Variants in GNAI2 observed in about 807,000 individuals in gnomAD.
The protein encoded by GNAI2 is G protein subunit alpha i2, also known as guanine nucleotide-binding protein G(i) subunit alpha-2.
In GNAI2, 4 loss-of-function variants were observed where a neutral mutation model predicts 36.8. The ratio of observed to expected loss-of-function variants is 0.11; its 90% CI spans 0.05 to 0.25. The LOEUF (loss-of-function observed/expected upper bound fraction) is 0.25. GNAI2 is among the 10% of genes least tolerant of loss of function. The pLI, the probability that GNAI2 is intolerant of heterozygous loss-of-function variation, is 1.00. For synonymous variants in GNAI2, 194 were observed against 194.1 expected (o/e 1.00, Z 0.01); for missense variants, 230 against 481.3 (o/e 0.48, Z 4.89).
rs1700302653 is a variant in GNAI2, at chr3:50,241,695, C to T, written c.118+5242C>T. Among the ~76,000 whole-genome samples the T allele has an allele frequency of 6.6e-6, 1 of 152,194 alleles. No homozygotes were observed. Among genetic ancestry groups the T allele is most frequent in the African/African-American group, 2.4e-5 (1 of 41,452 alleles). ...CGCTGCTGTGGCAGGAGGTGGAAGT[C>T]AAACCAGTTGCGGGACACAGGCTTC... is the stretch of plus-strand genomic sequence containing the variant. On this transcript the variant is annotated intron_variant, in intron 1 of 8. Transcript: ENST00000313601. The surrounding 1 kb of genome is among the most constrained non-coding windows in gnomAD (Gnocchi z 5.0).
intron 1 of GNAI2, among the ~76,000 whole-genome samples, chr3:50,237,939 G>A (rs1192603650): frequency 6.6e-6 from 1 of 152,226 alleles, no homozygotes; most frequent in Non-Finnish European, 1.5e-5. Context: ...TGTCCATTAT[G>A]GGCCATCTGT....
intron 1 of GNAI2, among the ~76,000 whole-genome samples, chr3:50,249,521 G>A (rs2298952): frequency 0.91 from 138,898 of 152,162 alleles, 63,500 homozygotes; most frequent in East Asian, 0.96. Context: ...ACACACCCCA[G>A]TGAAGATACT....
Position 50,236,249 on chromosome 3 carries a change from T to C in GNAI2, c.-87T>C. 1 of 1,202,698 alleles carries C rather than the reference T, an allele frequency of 8.3e-7. No homozygotes were observed. Among genetic ancestry groups the C allele is most frequent in the Non-Finnish European group, 1.0e-6 (1 of 968,704 alleles). The allele number at this position is 1,202,698 out of a possible 1,614,324, so 74.5% of individuals were successfully genotyped here. A position where few individuals can be genotyped will look rare whatever the true frequency, so the allele number is the denominator to read the frequency against. On this transcript the variant is annotated 5_prime_UTR_variant, in exon 1 of 9. Coordinates refer to ENST00000313601, the MANE Select transcript of GNAI2 (RefSeq NM_002070.4). This position sits in a 1 kb window ranked among gnomAD's most constrained non-coding sequence, Gnocchi z 4.0. Reference sequence around the variant, plus strand: ...CCGAGTGCTTCCCGCAGAGGGCTGGTGGTGGGAGCGGAGTGGGTCGGGCGG... The same window carrying C: ...CCGAGTGCTTCCCGCAGAGGGCTGGCGGTGGGAGCGGAGTGGGTCGGGCGG...
chr3:50,237,287 C>T (rs1028449863), intron 1 of GNAI2, among the ~76,000 whole-genome samples: 1 of 152,162 alleles, frequency 6.6e-6, no homozygotes, highest in African/African-American at 2.4e-5. Flanking sequence ...GGGAGGGGGC[C>T]AGGCCTCAGG....
rs587619330 is a variant in GNAI2, at chr3:50,255,848, C to G, written c.465-344C>G. 6.6e-6 allele frequency among the ~76,000 whole-genome samples: 1 copy of G among 151,974 alleles called. No individual in the cohort carries two copies. Among genetic ancestry groups the G allele is most frequent in the South Asian group, 2.1e-4 (1 of 4,802 alleles). On this transcript the variant is annotated intron_variant, in intron 4 of 8. Transcript: ENST00000313601. This position sits in a 1 kb window ranked among gnomAD's most constrained non-coding sequence, Gnocchi z 4.0. ...GGCGGATCACCTGAGGTTGAGAGGT[C>G]AAGACCATCCTGGCCAACATGGTGA...
Position 50,257,566 on chromosome 3 carries a change from A to T in GNAI2, c.944A>T (p.Lys315Ile). The change falls in exon 8 of 9, where the codon AAA becomes ATA. Residue 315 changes from lysine (K) to isoleucine (I), a missense_variant. By Grantham distance (102) the Lys-to-Ile change is moderately radical. Transcript: ENST00000313601. ...AAGTTTGAGGACCTGAATAAGCGCA[A>T]AGACACCAAGGAGATCTACACGCAC... ...QSKFEDLNKR[K>I]DTKEIYTHFT... is the part of the protein sequence containing the mutation. 1 of 1,398,758 alleles carries T rather than the reference A, an allele frequency of 7.1e-7. No individual in the cohort carries two copies. Among genetic ancestry groups the T allele is most frequent in the African/African-American group, 2.1e-5 (1 of 46,836 alleles). The allele number at this position is 1,398,758 out of a possible 1,614,324, so 86.6% of individuals were successfully genotyped here.
chr3:50,258,398 C>T lies in GNAI2; in HGVS notation c.*55C>T, dbSNP rs1553703581. On this transcript the variant is annotated 3_prime_UTR_variant, in exon 9 of 9. Transcript: ENST00000313601. ...CCGCCGACTTTGTACCCCCCAACCC[C>T]TGAGGAAGATGGGGGCAAGAAGATC... 1.3e-5 allele frequency: 2 copies of T among 155,110 alleles called. No individual in the cohort carries two copies. Among genetic ancestry groups the T allele is most frequent in the African/African-American group, 4.8e-5 (2 of 41,458 alleles). The allele number at this position is 155,110 out of a possible 1,614,324, so 9.6% of individuals were successfully genotyped here. A position where few individuals can be genotyped will look rare whatever the true frequency, so the allele number is the denominator to read the frequency against.
At chr3:50,251,221 C>A in intron 1 of GNAI2, 1 of 316,936 alleles carries the variant, frequency 3.2e-6, no homozygotes, top group Non-Finnish European at 4.6e-6. Context: ...CCCTCTTGCC[C>A]TTCTGAGTCC....
At chr3:50,257,430 C>T (rs1700728018) in intron 7 of GNAI2, 70 bp from the exon 8 acceptor site, 2 of 1,063,774 alleles carry the variant, frequency 1.9e-6, no homozygotes, top group Non-Finnish European at 1.4e-6. Context: ...CGCACAGACC[C>T]TTGCTGCACA....
At chr3:50,227,305 G>A, upstream of GNAI2, 1 of 528,980 alleles carries the variant, frequency 1.9e-6, no homozygotes, top group Non-Finnish European at 3.0e-6. The surrounding 1 kb of genome is among the most constrained non-coding windows in gnomAD (Gnocchi z 5.9). Context: ...CGTGACGGCT[G>A]CAGCTCTGCG....
upstream of GNAI2, among the ~76,000 whole-genome samples, chr3:50,233,757 C>A (rs1403575204): frequency 1.3e-5 from 2 of 152,076 alleles, no homozygotes; most frequent in African/African-American, 4.8e-5. Flanking sequence ...GGAGGGGGGC[C>A]TGAGGGAGTC....
rs782177777 is a variant in GNAI2 at position 50,252,488 on chromosome 3, G to A, written c.253G>A (p.Val85Ile). Residue 85 changes from valine to isoleucine, a missense_variant, in exon 3 of 9, where the codon GTC becomes ATC. Around this residue, in one of 4 missense-constraint regions of GNAI2, gnomAD observed 132 missense variants for 247.4 expected, o/e 0.53. Transcript: ENST00000313601. This position sits in a 1 kb window ranked among gnomAD's most constrained non-coding sequence, Gnocchi z 4.1. ...SNTIQSIMAIVKAMGNLQIDF... is the reference protein window; with the variant it reads ...SNTIQSIMAIIKAMGNLQIDF... ...CACCATCCAGTCCATCATGGCCATTGTCAAAGCCATGGGCAACCTGCAGAT... is the reference window on the plus strand; with the variant it reads ...CACCATCCAGTCCATCATGGCCATTATCAAAGCCATGGGCAACCTGCAGAT... 2 of 1,613,424 alleles carry A rather than the reference G, an allele frequency of 1.2e-6. No homozygotes were observed. The highest frequency in any genetic ancestry group is 1.7e-6 in the Non-Finnish European group (2 of 1,179,598).
upstream of GNAI2, chr3:50,229,902 G>C: frequency 1.3e-5 from 2 of 152,284 alleles, no homozygotes; most frequent in Non-Finnish European, 2.9e-5. Flanking sequence ...CAGCACATTG[G>C]CAGGCAATAT....
rs1553703700 is a variant in GNAI2, at chr3:50,258,899, A to G, written c.*556A>G. 5.3e-6 allele frequency: 2 copies of G among 377,490 alleles called. No individual in the cohort carries two copies. Among genetic ancestry groups the G allele is most frequent in the Admixed American group, 3.1e-5 (1 of 32,486 alleles). The allele number at this position is 377,490 out of a possible 1,614,324, so 23.4% of individuals were successfully genotyped here. A position where few individuals can be genotyped will look rare whatever the true frequency, so the allele number is the denominator to read the frequency against. ...CTTTTTAAAAAAATGAAAGTAAAGG[A>G]AAAAAAAAAAACTGCAAATCTAGAA... On this transcript the variant is annotated 3_prime_UTR_variant, in exon 9 of 9. Transcript: ENST00000313601.
At chr3:50,249,692 A>G (rs1185678183) in intron 1 of GNAI2, among the ~76,000 whole-genome samples, 1 of 152,162 alleles carries the variant, frequency 6.6e-6, no homozygotes, top group Non-Finnish European at 1.5e-5. Context: ...ACCCTCAAAA[A>G]TAAACTTCAT....
Position 50,259,072 on chromosome 3 carries a change from C to A in GNAI2, c.*729C>A. The A allele has an allele frequency of 2.6e-6, 1 of 388,398 alleles. No homozygotes were observed. The highest frequency in any genetic ancestry group is 3.6e-5 in the Admixed American group (1 of 27,872). 24.1% of individuals were successfully genotyped at this position (388,398 alleles called of 1,614,324 possible). ...GGCCGCCCCCGTGCGAGCGGCACCC[C>A]TGCCCTGCCCTCCACAGAATTGGGT... is the stretch of plus-strand genomic sequence containing the variant. On this transcript the variant is annotated 3_prime_UTR_variant, in exon 9 of 9. Transcript: ENST00000313601.
rs1700298017 is a variant in GNAI2 at position 50,241,459 on chromosome 3, GCCC to G, written c.118+5008_118+5010del. ...ATCCTGCCCAGTTCTGCTAGGCTCAGCCCCTGCCTCTCACGCCAGTGTCAGTGC... is the reference window on the plus strand; with the variant it reads ...ATCCTGCCCAGTTCTGCTAGGCTCAGCTGCCTCTCACGCCAGTGTCAGTGC... On this transcript the variant is annotated intron_variant, in intron 1 of 8. Coordinates refer to ENST00000313601, the MANE Select transcript of GNAI2 (RefSeq NM_002070.4). This position sits in a 1 kb window ranked among gnomAD's most constrained non-coding sequence, Gnocchi z 5.0. Among the ~76,000 whole-genome samples the G allele has an allele frequency of 6.6e-6, 1 of 152,174 alleles. No individual in the cohort carries two copies. The highest frequency in any genetic ancestry group is 1.5e-5 in the Non-Finnish European group (1 of 68,016).
chr3:50,231,438 C>T (rs774607278), upstream of GNAI2, among the ~76,000 whole-genome samples: 1 of 152,212 alleles, frequency 6.6e-6, no homozygotes, highest in Admixed American at 6.5e-5. Context: ...GCTGCCACGC[C>T]CAGCTAATTT....
chr3:50,239,050 AC>A (rs1295201737), intron 1 of GNAI2, among the ~76,000 whole-genome samples: 2 of 152,168 alleles, frequency 1.3e-5, no homozygotes, highest in African/African-American at 2.4e-5. Context: ...GGGAGCAGAT[AC>A]CAGTCCTATT....
Sources: allele counts gnomAD v4.1 joint callset (sites outside exome capture counted in the v4.1 genomes callset), GRCh38; gene constraint gnomAD v4.1.1; regional missense constraint gnomAD v4.1.1; non-coding constraint Gnocchi (gnomAD v3.1); transcripts MANE v1.5; gene names NCBI Gene and HGNC (gene_info 2026-07-23, HGNC 2026-07-21).